UBE2E2: variants seen among roughly 807,000 people sequenced by gnomAD.
UBE2E2 encodes ubiquitin conjugating enzyme E2 E2, also known as ubiquitin-conjugating enzyme E2 E2.
A neutral mutation model predicts 24.7 loss-of-function variants in UBE2E2; 6 were observed. The ratio of observed to expected loss-of-function variants is 0.24; its 90% CI spans 0.13 to 0.48. UBE2E2 has a LOEUF of 0.48. UBE2E2 is among the 20% of genes least tolerant of loss of function. UBE2E2 has a pLI of 0.99. For synonymous variants in UBE2E2, 104 were observed against 83.6 expected (o/e 1.24, Z -1.33); for missense variants, 169 against 245.0 (o/e 0.69, Z 2.07).
chr3:23,552,043 CA>C (rs1015187738), intron 5 of UBE2E2, among the ~76,000 whole-genome samples: 6 of 152,182 alleles, frequency 3.9e-5, no homozygotes, highest in African/African-American at 9.6e-5. Context: ...TATAAGCCCC[CA>C]AGAGTCCTCG....
At chr3:23,584,010 A>G (rs1423838191) in intron 5 of UBE2E2, among the ~76,000 whole-genome samples, 2 of 152,160 alleles carry the variant, frequency 1.3e-5, no homozygotes, top group Non-Finnish European at 2.9e-5. Context: ...CAAAAGGGGT[A>G]TGCTTCTAAT....
intron 3 of UBE2E2, among the ~76,000 whole-genome samples, chr3:23,443,249 A>G (rs1698345941): frequency 6.6e-6 from 1 of 152,170 alleles, no homozygotes; most frequent in South Asian, 2.1e-4. Flanking sequence ...GGCACCACAG[A>G]CTATTAGATC....
chr3:23,297,591 G>T (rs76126583), intron 3 of UBE2E2, among the ~76,000 whole-genome samples: 1 of 152,054 alleles, frequency 6.6e-6, no homozygotes, highest in African/African-American at 2.4e-5. Flanking sequence ...GCTTGTTTTT[G>T]TCAGGTTTGT....
chr3:23,561,434 T>C (rs1489437576), intron 5 of UBE2E2, among the ~76,000 whole-genome samples: 1 of 152,186 alleles, frequency 6.6e-6, no homozygotes, highest in African/African-American at 2.4e-5. Context: ...GGTCTATATC[T>C]CTGTTTTGGT....
intron 4 of UBE2E2, among the ~76,000 whole-genome samples, chr3:23,503,933 T>C (rs1694367760): frequency 1.3e-5 from 2 of 152,204 alleles, no homozygotes; most frequent in African/African-American, 2.4e-5. Context: ...AATATGTAAG[T>C]ATTTTAATGT....
chr3:23,308,675 T>C (rs1699298866), intron 3 of UBE2E2, among the ~76,000 whole-genome samples: 1 of 152,164 alleles, frequency 6.6e-6, no homozygotes, highest in Admixed American at 6.6e-5. Flanking sequence ...TAGTCAGGGT[T>C]CTCCAGAGGA....
rs921818065 is a variant in UBE2E2, at chr3:23,212,809, T to C, written c.176+3934T>C. ...TTAATGTTTCTGAAATTGGGACACA[T>C]CTTAAAATTTATGTGCACAATTATT... is the stretch of plus-strand genomic sequence containing the variant. On this transcript the variant is annotated intron_variant, in intron 2 of 5. Coordinates refer to ENST00000396703, the MANE Select transcript of UBE2E2 (RefSeq NM_152653.4). 2.6e-5 allele frequency among the ~76,000 whole-genome samples: 4 copies of C among 152,250 alleles called. No homozygotes were observed. In the East Asian group the frequency reaches 7.7e-4, roughly 29 times the overall value.
In UBE2E2 at chr3:23,319,852, A is replaced by C. The variant is rs59739083; in HGVS notation, c.227+102540A>C. Among the ~76,000 whole-genome samples, 455 of 151,986 alleles carry C rather than the reference A, an allele frequency of 3.0e-3. 9 individuals carry two copies. The East Asian group carries it at 0.055, about 18-fold the overall frequency. ...AACAAAAAACAAAAAACAAAAAAAA[A>C]CCCAAAAAACCAAAAAACAACTATC... On this transcript the variant is annotated intron_variant, in intron 3 of 5. Transcript: ENST00000396703.
intron 3 of UBE2E2, among the ~76,000 whole-genome samples, chr3:23,454,081 C>T (rs1412691414): frequency 6.6e-6 from 1 of 152,098 alleles, no homozygotes; most frequent in Non-Finnish European, 1.5e-5. Context: ...ATCATAGACT[C>T]CTAGAACTTG....
intron 3 of UBE2E2, among the ~76,000 whole-genome samples, chr3:23,305,553 A>T (rs1446011413): frequency 6.6e-6 from 1 of 152,088 alleles, no homozygotes; most frequent in Non-Finnish European, 1.5e-5. Context: ...ATGGTGAATG[A>T]GGTCTTAGTT....
At chr3:23,307,979 A>T (rs1222688583) in intron 3 of UBE2E2, among the ~76,000 whole-genome samples, 1 of 152,126 alleles carries the variant, frequency 6.6e-6, no homozygotes, top group African/African-American at 2.4e-5. Flanking sequence ...CTCCCAACTT[A>T]CCAAGTGGCA....
chr3:23,590,115 T>C lies in UBE2E2; in HGVS notation c.*284T>C. 2 of 334,394 alleles carry C rather than the reference T, an allele frequency of 6.0e-6. No individual in the cohort carries two copies. Among genetic ancestry groups the C allele is most frequent in the Non-Finnish European group, 1.1e-5 (2 of 183,176 alleles). 20.7% of individuals were successfully genotyped at this position (334,394 alleles called of 1,614,324 possible). ...CTCATCATAGATGGGAACTTTTGTT[T>C]TCAGTGCAAACAATGTTGGAGCTGT... On this transcript the variant is annotated 3_prime_UTR_variant, in exon 6 of 6. Coordinates refer to ENST00000396703, the MANE Select transcript of UBE2E2 (RefSeq NM_152653.4).
chr3:23,227,266 A>C (rs1696851519), intron 3 of UBE2E2, among the ~76,000 whole-genome samples: 1 of 151,642 alleles, frequency 6.6e-6, no homozygotes, highest in African/African-American at 2.4e-5. Flanking sequence ...AGAAACCTCA[A>C]CTCTCTGGTT....
chr3:23,533,746 C>G (rs116324254), intron 5 of UBE2E2, among the ~76,000 whole-genome samples: 1 of 151,892 alleles, frequency 6.6e-6, no homozygotes, highest in South Asian at 2.1e-4. Flanking sequence ...TCTTAGCCCC[C>G]CAAGTAGCTG....
intron 5 of UBE2E2, among the ~76,000 whole-genome samples, chr3:23,558,799 G>T (rs1448015028): frequency 2.6e-5 from 4 of 152,140 alleles, no homozygotes; most frequent in Non-Finnish European, 5.9e-5. Context: ...AGTGGCATAT[G>T]CCTGTATTCC....
chr3:23,220,587 T>G (rs548755603), intron 3 of UBE2E2, among the ~76,000 whole-genome samples: 1 of 152,314 alleles, frequency 6.6e-6, no homozygotes, highest in African/African-American at 2.4e-5. Context: ...TTGGCTAACA[T>G]AACTGACCCA....
At chr3:23,451,451 G>A (rs1698560675) in intron 3 of UBE2E2, among the ~76,000 whole-genome samples, 1 of 152,172 alleles carries the variant, frequency 6.6e-6, no homozygotes, top group Admixed American at 6.5e-5. Flanking sequence ...AATTTGAGCA[G>A]GGTTGCTGAG....
rs1575481468 is a variant in UBE2E2 at position 23,222,844 on chromosome 3, G to C, written c.227+5532G>C. The stretch of plus-strand genomic sequence containing the variant: ...AATTTACATCCCAACAACAGTGTAC[G>C]AGCCTTCCCCTTTCTCCGCATCCTT... On this transcript the variant is annotated intron_variant, in intron 3 of 5. Transcript: ENST00000396703. Among the ~76,000 whole-genome samples the C allele has an allele frequency of 2.1e-5, 3 of 143,118 alleles. No individual in the cohort carries two copies. In the South Asian group the frequency reaches 6.8e-4, roughly 32 times the overall value. 93.9% of individuals were successfully genotyped at this position (143,118 alleles called of 152,430 possible). A position where few individuals can be genotyped will look rare whatever the true frequency, so the allele number is the denominator to read the frequency against.
At chr3:23,348,498 A>G (rs186786429) in intron 3 of UBE2E2, among the ~76,000 whole-genome samples, 8 of 152,132 alleles carry the variant, frequency 5.3e-5, no homozygotes, top group African/African-American at 1.7e-4. Context: ...TCAAGTGGTT[A>G]AAGGATTTTC....
Sources: allele counts gnomAD v4.1 joint callset (sites outside exome capture counted in the v4.1 genomes callset), GRCh38; gene constraint gnomAD v4.1.1; transcripts MANE v1.5; gene names NCBI Gene and HGNC (gene_info 2026-07-23, HGNC 2026-07-21).